Variants in IL1RAP observed in about 807,000 individuals in gnomAD.
IL1RAP encodes interleukin 1 receptor accessory protein.
In IL1RAP, 35 loss-of-function variants were observed where a neutral mutation model predicts 60.7. The ratio of observed to expected loss-of-function variants is 0.58; its 90% CI spans 0.44 to 0.76. IL1RAP has a LOEUF of 0.76. Ranked by LOEUF, IL1RAP falls within the 30% of genes least tolerant of loss-of-function variation. The pLI, the probability that IL1RAP is intolerant of heterozygous loss-of-function variation, is 0.00. For missense variants in IL1RAP, 572 were observed against 693.9 expected (o/e 0.82, Z 1.97); for synonymous variants, 268 against 250.9 (o/e 1.07, Z -0.64).
intron 9 of IL1RAP, among the ~76,000 whole-genome samples, chr3:190,641,708 T>A (rs148114896): frequency 6.6e-6 from 1 of 152,154 alleles, no homozygotes; most frequent in African/African-American, 2.4e-5. Flanking sequence ...TTCAGGTACG[T>A]GCAGCCAGCA....
intron 1 of IL1RAP, among the ~76,000 whole-genome samples, chr3:190,525,089 G>A (rs957633789): frequency 6.6e-6 from 1 of 152,120 alleles, no homozygotes; most frequent in African/African-American, 2.4e-5. Flanking sequence ...GGAAACAGAG[G>A]TGTTGAAGTG....
intron 1 of IL1RAP, among the ~76,000 whole-genome samples, chr3:190,529,022 T>G (rs1180946727): frequency 6.6e-6 from 1 of 152,160 alleles, no homozygotes; most frequent in African/African-American, 2.4e-5. Flanking sequence ...GAGAAGGCAC[T>G]GGTTAGGAAG....
chr3:190,656,601 C>T (rs1293136748), exon 12 of IL1RAP: 8 of 1,502,112 alleles, frequency 5.3e-6, no homozygotes, highest in Non-Finnish European at 7.1e-6. Context: ...ACTTTTATAT[C>T]CTATAATTAC....
At chr3:190,631,461 T>C (rs1019495846) in intron 9 of IL1RAP, among the ~76,000 whole-genome samples, 1 of 152,204 alleles carries the variant, frequency 6.6e-6, no homozygotes, top group South Asian at 2.1e-4. Context: ...TGCTGAAAGC[T>C]GATATAAAAT....
At chr3:190,529,700 A>G (rs1410997975) in intron 1 of IL1RAP, among the ~76,000 whole-genome samples, 1 of 143,346 alleles carries the variant, frequency 7.0e-6, no homozygotes, top group Non-Finnish European at 1.5e-5. Context: ...AAAAAAAAAA[A>G]AAATTTAGCC....
At chr3:190,582,382 C>T (rs970556985) in intron 3 of IL1RAP, among the ~76,000 whole-genome samples, 8 of 151,338 alleles carry the variant, frequency 5.3e-5, no homozygotes, top group African/African-American at 7.3e-5. Context: ...TTCAGTGGCA[C>T]GATCTCGGCT....
exon 12 of IL1RAP, chr3:190,658,812 A>G (rs1349225707): frequency 6.6e-6 from 1 of 152,188 alleles, no homozygotes; most frequent in African/African-American, 2.4e-5. Context: ...GAAGATTCCT[A>G]CTCCAAAGAT....
At chr3:190,538,567 G>A (rs1243562825) in intron 1 of IL1RAP, among the ~76,000 whole-genome samples, 5 of 152,100 alleles carry the variant, frequency 3.3e-5, no homozygotes, top group Non-Finnish European at 1.5e-5. Flanking sequence ...GGGTGTTTGA[G>A]GGAAAAAACA....
intron 2 of IL1RAP, among the ~76,000 whole-genome samples, chr3:190,562,723 C>A (rs1726010771): frequency 6.6e-6 from 1 of 150,792 alleles, no homozygotes; most frequent in Non-Finnish European, 1.5e-5. Context: ...CACACACACA[C>A]ACACACACAC....
chr3:190,611,948 C>A, intron 5 of IL1RAP, among the ~76,000 whole-genome samples: 1 of 151,970 alleles, frequency 6.6e-6, no homozygotes, highest in Non-Finnish European at 1.5e-5. Context: ...AACTATAAAG[C>A]AAATTATGAA....
intron 3 of IL1RAP, among the ~76,000 whole-genome samples, chr3:190,589,527 C>T (rs1002868179): frequency 8.5e-5 from 13 of 152,140 alleles, no homozygotes; most frequent in Non-Finnish European, 1.5e-4. Context: ...GCAGGATTGT[C>T]GCCTGTGTCT....
At chr3:190,643,658 C>G (rs1733813868) in intron 9 of IL1RAP, among the ~76,000 whole-genome samples, 1 of 152,198 alleles carries the variant, frequency 6.6e-6, no homozygotes, top group Non-Finnish European at 1.5e-5. Flanking sequence ...TATTCAGCAT[C>G]TGGTGGATGT....
At chr3:190,561,157 A>G (rs1166364589) in intron 2 of IL1RAP, among the ~76,000 whole-genome samples, 3 of 152,150 alleles carry the variant, frequency 2.0e-5, no homozygotes, top group African/African-American at 7.2e-5. Flanking sequence ...TTGCTTTCTG[A>G]CAGTTCCTCC....
intron 1 of IL1RAP, among the ~76,000 whole-genome samples, chr3:190,525,624 C>T (rs1722443946): frequency 6.6e-6 from 1 of 152,136 alleles, no homozygotes; most frequent in Non-Finnish European, 1.5e-5. Context: ...ATCATGTAGG[C>T]TGTTATGAAC....
At chr3:190,533,314 T>A (rs747568431) in intron 1 of IL1RAP, among the ~76,000 whole-genome samples, 4 of 152,190 alleles carry the variant, frequency 2.6e-5, no homozygotes, top group Non-Finnish European at 5.9e-5. Flanking sequence ...CCTAGACATC[T>A]AGTTGGCAAG....
At chr3:190,605,200 T>C (rs1730200982) in intron 4 of IL1RAP, among the ~76,000 whole-genome samples, 2 of 152,240 alleles carry the variant, frequency 1.3e-5, no homozygotes, top group African/African-American at 4.8e-5. Flanking sequence ...TCTAAGGATA[T>C]AATCCAAACA....
intron 3 of IL1RAP, among the ~76,000 whole-genome samples, chr3:190,575,705 C>G (rs1234514917): frequency 6.6e-6 from 1 of 152,096 alleles, no homozygotes; most frequent in Non-Finnish European, 1.5e-5. Flanking sequence ...CAGTAAAAGG[C>G]CATTGAAAGG....
Position 190,604,333 on chromosome 3 carries a change from C to T in IL1RAP, c.270C>T (p.Asn90=). Residue 90 remains asparagine, a synonymous_variant, in exon 4 of 12, where the codon AAC becomes AAT. Coordinates refer to ENST00000447382, the MANE Select transcript of IL1RAP (RefSeq NM_002182.4). ...CAATTAACTTCCGCCTCCCCGAGAA[C>T]CGCATTAGTAAGGAGAAAGATGTGC... ...EEPINFRLPE[N]RISKEKDVLW... is the part of the protein sequence containing the mutation. The T allele has an allele frequency of 6.2e-7, 1 of 1,614,016 alleles. No individual in the cohort carries two copies. The highest frequency in any genetic ancestry group is 8.5e-7 in the Non-Finnish European group (1 of 1,179,994).
At chr3:190,626,946 A>G (rs1732337903) in intron 7 of IL1RAP, among the ~76,000 whole-genome samples, 1 of 152,196 alleles carries the variant, frequency 6.6e-6, no homozygotes, top group Non-Finnish European at 1.5e-5. Flanking sequence ...CTGGGATTAC[A>G]GGTGTGAGCC....
Sources: allele counts gnomAD v4.1 joint callset (sites outside exome capture counted in the v4.1 genomes callset), GRCh38; gene constraint gnomAD v4.1.1; transcripts MANE v1.5; gene names NCBI Gene and HGNC (gene_info 2026-07-23, HGNC 2026-07-21).